Variants in WHRN observed in about 807,000 individuals in gnomAD.
WHRN encodes CASK-interacting protein CIP98.
Under a neutral mutation model 68.3 loss-of-function variants are expected in WHRN, and 41 were observed. The observed-to-expected ratio is 0.60, with a 90% CI of 0.47 to 0.78. The LOEUF is 0.78. Among genes scored for constraint, WHRN ranks in the 30% least tolerant of loss-of-function variants. The probability of loss-of-function intolerance (pLI) is 0.00; values close to 1 mark genes in which losing one functional copy is unlikely to be tolerated. For missense variants in WHRN, 1,243 were observed against 1,244.7 expected, an observed-to-expected ratio of 1.00 and a Z score of 0.02; for synonymous variants, 560 against 561.3, an observed-to-expected ratio of 1.00 and a Z score of 0.03.
At chr9:114,498,399 A>C (rs1225660475) in intron 1 of WHRN, among the ~76,000 whole-genome samples, 1 of 152,204 alleles carries the variant, frequency 6.6e-6, no homozygotes, top group African/African-American at 2.4e-5. Flanking sequence ...AGAATGTCAC[A>C]GCACTGTAAA....
chr9:114,436,610 C>T (rs1301071064), intron 3 of WHRN, among the ~76,000 whole-genome samples: 1 of 152,092 alleles, frequency 6.6e-6, no homozygotes, highest in African/African-American at 2.4e-5. Flanking sequence ...GGGTGGATCA[C>T]CTGAGATCAG....
intron 7 of WHRN, among the ~76,000 whole-genome samples, chr9:114,422,693 G>A (rs553979738): frequency 6.6e-6 from 1 of 152,242 alleles, no homozygotes; most frequent in East Asian, 1.9e-4. Context: ...AAATTAGCTG[G>A]TTATGGTGGT....
intron 2 of WHRN, among the ~76,000 whole-genome samples, chr9:114,471,100 A>C (rs952377136): frequency 1.3e-5 from 2 of 152,208 alleles, no homozygotes; most frequent in Non-Finnish European, 1.5e-5. Context: ...CACTTGCTGA[A>C]AATTCAACCA....
Position 114,403,865 on chromosome 9 carries a change from A to G in WHRN, c.2418+31T>C, listed in dbSNP as rs1458272769. Reference sequence around the variant, plus strand: ...TGTGCCTGGGGCCCGTGTTCCTCTCAGCCCTCTGCATCCTCCTCCTCCTGG... The same window carrying G: ...TGTGCCTGGGGCCCGTGTTCCTCTCGGCCCTCTGCATCCTCCTCCTCCTGG... On this transcript the variant is annotated intron_variant, in intron 10 of 11. Transcript: ENST00000362057. The G allele has an allele frequency of 6.8e-6, 11 of 1,607,860 alleles. No homozygotes were observed. In the Admixed American group the frequency reaches 1.8e-4, roughly 27 times the overall value.
At chr9:114,477,671 A>G (rs553285193) in intron 2 of WHRN, among the ~76,000 whole-genome samples, 102 of 152,270 alleles carry the variant, frequency 6.7e-4, no homozygotes, top group Middle Eastern at 3.4e-3. Flanking sequence ...GACACTGAGA[A>G]CGGAATGGTG....
At chr9:114,453,839 T>C (rs1839545635) in intron 3 of WHRN, among the ~76,000 whole-genome samples, 1 of 152,222 alleles carries the variant, frequency 6.6e-6, no homozygotes, top group African/African-American at 2.4e-5. Flanking sequence ...CATTATATAA[T>C]ACTAAGACTA....
At chr9:114,426,753 G>C (rs2132413583) in intron 3 of WHRN, among the ~76,000 whole-genome samples, 1 of 152,328 alleles carries the variant, frequency 6.6e-6, no homozygotes, top group African/African-American at 2.4e-5. Flanking sequence ...GCTGGGGTAG[G>C]ATGAGGCAAG....
At chr9:114,407,284 G>A (rs922288497) in intron 8 of WHRN, among the ~76,000 whole-genome samples, 1 of 152,192 alleles carries the variant, frequency 6.6e-6, no homozygotes, top group Non-Finnish European at 1.5e-5. Context: ...GGTATGAAAG[G>A]ACTGGAGAGA....
intron 2 of WHRN, among the ~76,000 whole-genome samples, chr9:114,477,026 A>G (rs1218001884): frequency 1.3e-5 from 2 of 152,172 alleles, no homozygotes; most frequent in Non-Finnish European, 2.9e-5. Context: ...ATTGTCAGAG[A>G]ACAAGTTCCC....
At chr9:114,407,565 A>G (rs1029325214) in intron 8 of WHRN, among the ~76,000 whole-genome samples, 5 of 152,214 alleles carry the variant, frequency 3.3e-5, no homozygotes, top group African/African-American at 1.2e-4. Context: ...ACAACCTTCC[A>G]GTCACCATCC....
intron 3 of WHRN, among the ~76,000 whole-genome samples, chr9:114,451,602 G>T (rs1466099854): frequency 1.3e-5 from 2 of 151,982 alleles, no homozygotes; most frequent in African/African-American, 4.8e-5. Flanking sequence ...AAGACCATTC[G>T]CTCCTCCCTA....
At chr9:114,483,972 C>T (rs1842290485) in intron 1 of WHRN, among the ~76,000 whole-genome samples, 1 of 152,220 alleles carries the variant, frequency 6.6e-6, no homozygotes, top group Non-Finnish European at 1.5e-5. Flanking sequence ...ACTTCTGGGC[C>T]TGGAAAACTG....
At chr9:114,405,081 T>C (rs1338334631) in intron 9 of WHRN, among the ~76,000 whole-genome samples, 2 of 147,928 alleles carry the variant, frequency 1.4e-5, no homozygotes, top group Non-Finnish European at 3.0e-5. Context: ...TTTTTTTTTT[T>C]TTTTTTTTTT....
intron 3 of WHRN, among the ~76,000 whole-genome samples, chr9:114,462,497 C>A (rs1335178625): frequency 6.6e-6 from 1 of 152,180 alleles, no homozygotes; most frequent in African/African-American, 2.4e-5. Context: ...GGCCCCAGGG[C>A]TCCAGTCCTT....
intron 1 of WHRN, among the ~76,000 whole-genome samples, chr9:114,498,867 A>G (rs969554420): frequency 2.0e-5 from 3 of 152,010 alleles, no homozygotes; most frequent in African/African-American, 7.3e-5. Context: ...TCCCCTGGGG[A>G]AGGTTAAAGG....
intron 2 of WHRN, among the ~76,000 whole-genome samples, chr9:114,466,690 G>A (rs770052027): frequency 2.0e-5 from 3 of 152,122 alleles, no homozygotes; most frequent in Non-Finnish European, 4.4e-5. Context: ...CCAACACCCG[G>A]GACTACTCAG....
intron 4 of WHRN, chr9:114,425,638 CACAG>C (rs924316481): frequency 6.3e-4 from 142 of 226,404 alleles, no homozygotes; most frequent in East Asian, 1.4e-3. Context: ...CACAGAGAGA[CACAG>C]ACAGACAGAC....
At chr9:114,503,610 G>A (rs1844125596) in intron 1 of WHRN, 1 of 153,036 alleles carries the variant, frequency 6.5e-6, no homozygotes, top group Non-Finnish European at 1.5e-5. Flanking sequence ...AAAAAGGTTA[G>A]GGACCGCTTA....
chr9:114,493,761 C>A (rs1410123760), intron 1 of WHRN, among the ~76,000 whole-genome samples: 1 of 152,232 alleles, frequency 6.6e-6, no homozygotes, highest in African/African-American at 2.4e-5. Context: ...CCACCTCTGT[C>A]CCTGAAATCT....
Sources: gnomAD v4.1 joint callset for allele counts (sites outside exome capture counted in the v4.1 genomes callset) on GRCh38, gnomAD v4.1.1 for gene constraint, MANE v1.5 for transcripts, NCBI Gene and HGNC (gene_info 2026-07-23, HGNC 2026-07-21) for gene names.